Variants in TXNDC11 observed in about 807,000 individuals in gnomAD.
TXNDC11 encodes the protein thioredoxin domain containing 11.
TXNDC11 carries 68 observed loss-of-function variants against 78.0 expected under a neutral mutation model. The observed-to-expected ratio is 0.87, with a 90% CI of 0.72 to 1.07. The LOEUF (loss-of-function observed/expected upper bound fraction) is 1.07, where lower values mean the gene tolerates loss of function less well. Ranked by LOEUF, TXNDC11 falls within the 50% of genes least tolerant of loss-of-function variation. TXNDC11 has a pLI of 0.00. For missense variants in TXNDC11, 1,389 were observed against 1,221.8 expected, an observed-to-expected ratio of 1.14 and a Z score of -2.04; for synonymous variants, 571 against 495.2, an observed-to-expected ratio of 1.15 and a Z score of -2.03.
At chr16:11,740,167 T>C (rs1282710366) in intron 1 of TXNDC11, among the ~76,000 whole-genome samples, 4 of 151,372 alleles carry the variant, frequency 2.6e-5, no homozygotes, top group Non-Finnish European at 5.9e-5. Flanking sequence ...AAAAAAATCC[T>C]ATTCTCCCTT....
At position 11,742,821 on chromosome 16, in the gene TXNDC11, G is replaced by C. The variant is rs1370928059; in HGVS notation, c.-91C>G. 7.3e-7 allele frequency: 1 copy of C among 1,366,028 alleles called. No homozygotes were observed. Among genetic ancestry groups the C allele is most frequent in the Non-Finnish European group, 9.4e-7 (1 of 1,064,758 alleles). The allele number at this position is 1,366,028 out of a possible 1,614,324, so 84.6% of individuals were successfully genotyped here. On this transcript the variant is annotated 5_prime_UTR_variant, in exon 1 of 12. Coordinates refer to ENST00000283033, the MANE Select transcript of TXNDC11 (RefSeq NM_015914.7). ...CCGTTGCTCCCCAATCCCGCAGCTCGCCGCACCCGCTAACCCGGACGCTCC... is the reference window on the plus strand; with the variant it reads ...CCGTTGCTCCCCAATCCCGCAGCTCCCCGCACCCGCTAACCCGGACGCTCC...
chr16:11,731,962 C>T (rs2052067980), intron 3 of TXNDC11, among the ~76,000 whole-genome samples: 1 of 150,768 alleles, frequency 6.6e-6, no homozygotes, highest in East Asian at 1.9e-4. Flanking sequence ...TTATTTTGTT[C>T]CAGAAAAAGG....
At chr16:11,730,884 G>A in intron 3 of TXNDC11, 110 bp from the exon 4 acceptor site, 1 of 852,546 alleles carries the variant, frequency 1.2e-6, no homozygotes, top group Non-Finnish European at 1.6e-6. Context: ...AAAGTGTCTT[G>A]CTTTGGGATC....
intron 5 of TXNDC11, among the ~76,000 whole-genome samples, chr16:11,717,109 A>G (rs575379882): frequency 2.2e-5 from 3 of 135,848 alleles, no homozygotes; most frequent in East Asian, 4.1e-4. Context: ...GATTTTCAGG[A>G]AAAAAAAAAA....
Position 11,729,150 on chromosome 16 carries a change from C to T in TXNDC11, c.699+1495G>A, listed in dbSNP as rs1489450238. Reference sequence around the variant, plus strand: ...CCATGTCAAAACCCACTTACCACAACTTTACTGTTAGAAGGAATCTCAAGG... The same window carrying T: ...CCATGTCAAAACCCACTTACCACAATTTTACTGTTAGAAGGAATCTCAAGG... On this transcript the variant is annotated intron_variant, in intron 4 of 11. Coordinates refer to ENST00000283033, the MANE Select transcript of TXNDC11 (RefSeq NM_015914.7). 9.2e-5 allele frequency among the ~76,000 whole-genome samples: 14 copies of T among 152,220 alleles called. 1 individual carries two copies. Among genetic ancestry groups the T allele is most frequent in the Admixed American group, 7.2e-4 (11 of 15,272 alleles).
At position 11,700,512 on chromosome 16, in the gene TXNDC11, T is replaced by G. The variant is rs1415902884; in HGVS notation, c.846A>C (p.Lys282Asn). 1 of 1,607,688 alleles carries G rather than the reference T, an allele frequency of 6.2e-7. No homozygotes were observed. The highest frequency in any genetic ancestry group is 2.2e-5 in the East Asian group (1 of 44,866). ...FGVITNKHLA[K>N]LVSLVHSGSV... is the part of the protein sequence containing the mutation. Reference sequence around the variant, plus strand: ...TTCCAGAGTGTACTAAGGATACCAGTTTCGCAAGATGTTTATTTGTGATAA... The same window carrying G: ...TTCCAGAGTGTACTAAGGATACCAGGTTCGCAAGATGTTTATTTGTGATAA... Residue 282 changes from lysine to asparagine, a missense_variant, in exon 6 of 12, where the codon AAA (lysine) becomes AAC (asparagine). Physicochemically the swap from Lys to Asn is moderately conservative, Grantham distance 94 (BLOSUM62 0). Transcript: ENST00000283033.
intron 5 of TXNDC11, 56 bp from the exon 6 acceptor site, chr16:11,700,620 CA>C: frequency 1.2e-6 from 1 of 846,140 alleles, no homozygotes; most frequent in Non-Finnish European, 2.0e-6. Flanking sequence ...AAAACAACCA[CA>C]AAACCCAGTG....
rs1276781660 is a variant in TXNDC11, at chr16:11,700,787, T to C, written c.794-223A>G. 3.9e-5 allele frequency among the ~76,000 whole-genome samples: 6 copies of C among 152,210 alleles called. No homozygotes were observed. The East Asian group carries it at 9.6e-4, about 24-fold the overall frequency. On this transcript the variant is annotated intron_variant, in intron 5 of 11. Transcript: ENST00000283033. ...TCTGAGAGGATGTCTCTGACTAACG[T>C]CTCTGACAATCACTTGTGCTGAGGA...
chr16:11,679,180 A>G lies in TXNDC11; in HGVS notation c.*15T>C, dbSNP rs779075493. The stretch of plus-strand genomic sequence containing the variant: ...TACAATTTTCACCTCTGATTTCTTC[A>G]TATCATTTAAAAAGTTAGTCTGTCC... On this transcript the variant is annotated 3_prime_UTR_variant, in exon 12 of 12. Transcript: ENST00000283033. This position sits in a 1 kb window ranked among gnomAD's most constrained non-coding sequence, Gnocchi z 4.6. The G allele has an allele frequency of 8.1e-6, 13 of 1,609,830 alleles. No individual in the cohort carries two copies. The highest frequency in any genetic ancestry group is 6.7e-5 in the Admixed American group (4 of 59,280).
intron 1 of TXNDC11, among the ~76,000 whole-genome samples, chr16:11,739,454 C>T (rs948871407): frequency 6.6e-6 from 1 of 151,998 alleles, no homozygotes; most frequent in Non-Finnish European, 1.5e-5. Flanking sequence ...TTACTTGAGC[C>T]CAGCAGTTTG....
chr16:11,687,989 G>A (rs375769565), intron 9 of TXNDC11, 23 bp from the exon 10 acceptor site: 1 of 1,545,598 alleles, frequency 6.5e-7, no homozygotes, highest in African/African-American at 1.4e-5. Context: ...GAAGACAGAT[G>A]TTACTTGCAC....
chr16:11,692,408 G>C (rs1380004023), intron 7 of TXNDC11, among the ~76,000 whole-genome samples: 1 of 152,068 alleles, frequency 6.6e-6, no homozygotes, highest in Non-Finnish European at 1.5e-5. Flanking sequence ...TTGTCTTCAA[G>C]TAACCCTTTA....
At chr16:11,699,872 G>A (rs571845567) in intron 6 of TXNDC11, among the ~76,000 whole-genome samples, 5 of 152,228 alleles carry the variant, frequency 3.3e-5, no homozygotes, top group Non-Finnish European at 7.3e-5. Context: ...GCATAGGACT[G>A]AGCAGGACAC....
At chr16:11,715,826 G>A (rs1211584680) in intron 5 of TXNDC11, among the ~76,000 whole-genome samples, 2 of 152,134 alleles carry the variant, frequency 1.3e-5, no homozygotes, top group South Asian at 2.1e-4. Flanking sequence ...GAAAGACTGG[G>A]CCTGCTGGTC....
At chr16:11,697,456 C>G (rs1306318406) in intron 7 of TXNDC11, among the ~76,000 whole-genome samples, 7 of 152,192 alleles carry the variant, frequency 4.6e-5, no homozygotes, top group African/African-American at 1.7e-4. Context: ...CCTGCTGTCT[C>G]TCCAGGCTCG....
chr16:11,738,386 A>G (rs1482649729), intron 1 of TXNDC11, among the ~76,000 whole-genome samples: 1 of 152,246 alleles, frequency 6.6e-6, no homozygotes, highest in Non-Finnish European at 1.5e-5. Context: ...AGCAGCTGTG[A>G]CTGTGCTTTG....
chr16:11,680,985 A>G (rs1001525672), intron 11 of TXNDC11, among the ~76,000 whole-genome samples: 14 of 151,878 alleles, frequency 9.2e-5, no homozygotes, highest in African/African-American at 3.1e-4. Flanking sequence ...TGGACAATAT[A>G]GTAAGGCCTC....
intron 2 of TXNDC11, among the ~76,000 whole-genome samples, chr16:11,734,643 T>C (rs1407236385): frequency 2.0e-5 from 3 of 152,236 alleles, no homozygotes; most frequent in Non-Finnish European, 4.4e-5. Flanking sequence ...CTGCTTAGGC[T>C]GACAGTAAGG....
rs765347564 is a variant in TXNDC11 at position 11,684,263 on chromosome 16, C to G, written c.2154-18G>C. ...CGTCAATCCTGGTAAAGGGAAAGAA[C>G]AGAAATGGCAGATGATCAGCCCAAG... On this transcript the variant is annotated intron_variant, in intron 10 of 11. Transcript: ENST00000283033. 36 of 1,583,580 alleles carry G rather than the reference C, an allele frequency of 2.3e-5. No individual in the cohort carries two copies. In the Middle Eastern group the frequency reaches 6.7e-4, roughly 29 times the overall value.
Sources: gnomAD v4.1 joint callset for allele counts (sites outside exome capture counted in the v4.1 genomes callset) on GRCh38, gnomAD v4.1.1 for gene constraint, Gnocchi (gnomAD v3.1) non-coding constraint, MANE v1.5 for transcripts, NCBI Gene and HGNC (gene_info 2026-07-23, HGNC 2026-07-21) for gene names.